The following ARMC8 variants were observed in gnomAD, a reference collection of about 807,000 sequenced individuals.
The protein encoded by ARMC8 is armadillo repeat-containing protein 8.
ARMC8 carries 20 observed loss-of-function variants against 99.3 expected under a neutral mutation model. That is an observed-to-expected ratio of 0.20 (90% CI 0.14 to 0.29). The LOEUF (loss-of-function observed/expected upper bound fraction) is 0.29. Among genes scored for constraint, ARMC8 ranks in the 10% least tolerant of loss-of-function variants. The probability of loss-of-function intolerance (pLI) is 1.00; values close to 1 mark genes in which losing one functional copy is unlikely to be tolerated. For missense variants in ARMC8, 569 were observed against 809.5 expected, an observed-to-expected ratio of 0.70 and a Z score of 3.60; for synonymous variants, 263 against 278.3, an observed-to-expected ratio of 0.95 and a Z score of 0.55.
chr3:138,279,768 T>C (rs1346641281), intron 18 of ARMC8, among the ~76,000 whole-genome samples: 1 of 152,250 alleles, frequency 6.6e-6, no homozygotes, highest in African/African-American at 2.4e-5. Flanking sequence ...TTTGGTATTA[T>C]GTGTCTTTCA....
chr3:138,280,947 T>C (rs1038480846), intron 18 of ARMC8, among the ~76,000 whole-genome samples: 1 of 152,122 alleles, frequency 6.6e-6, no homozygotes, highest in Non-Finnish European at 1.5e-5. Context: ...TTTCAGAGTT[T>C]AGCCAACTGT....
intron 6 of ARMC8, 160 bp downstream of exon 6, chr3:138,229,170 A>ATATATG (rs2045887252): frequency 2.1e-5 from 1 of 46,578 alleles, no homozygotes; most frequent in Non-Finnish European, 4.4e-5. Context: ...ATATATATAT[A>ATATATG]TATATATATA....
At chr3:138,262,499 C>G in intron 12 of ARMC8, 1 of 1,586,014 alleles carries the variant, frequency 6.3e-7, no homozygotes, top group Non-Finnish European at 8.5e-7. Context: ...AGGTTTTCCA[C>G]TCTCTCATGT....
intron 19 of ARMC8, among the ~76,000 whole-genome samples, chr3:138,285,245 A>G (rs968569115): frequency 2.6e-5 from 4 of 151,700 alleles, no homozygotes; most frequent in African/African-American, 9.7e-5. Flanking sequence ...TTTAGACCTC[A>G]CCTCTTCCCT....
intron 12 of ARMC8, among the ~76,000 whole-genome samples, chr3:138,251,418 C>G (rs1199357537): frequency 3.3e-5 from 5 of 152,120 alleles, no homozygotes; most frequent in Admixed American, 6.6e-5. Flanking sequence ...ACACCTTGTA[C>G]ATTTTGAAGG....
At chr3:138,292,632 G>T (rs2051075480) in intron 21 of ARMC8, among the ~76,000 whole-genome samples, 1 of 152,194 alleles carries the variant, frequency 6.6e-6, no homozygotes, top group African/African-American at 2.4e-5. Flanking sequence ...TACCAAGATG[G>T]TGAGGAATAT....
intron 1 of ARMC8, among the ~76,000 whole-genome samples, chr3:138,194,521 G>A (rs1190645229): frequency 6.7e-6 from 1 of 150,122 alleles, no homozygotes; most frequent in East Asian, 2.0e-4. Context: ...TGTATTTTTA[G>A]TAGAGAAGGG....
chr3:138,231,182 A>T (rs543527364), intron 6 of ARMC8, among the ~76,000 whole-genome samples: 1 of 152,338 alleles, frequency 6.6e-6, no homozygotes, highest in East Asian at 1.9e-4. Context: ...CAATATTAAC[A>T]ACTTTACCGA....
intron 12 of ARMC8, among the ~76,000 whole-genome samples, chr3:138,255,157 C>T (rs535319427): frequency 1.3e-5 from 2 of 151,720 alleles, no homozygotes; most frequent in Admixed American, 6.6e-5. Context: ...ACTATTTCCT[C>T]CCACCCCATG....
At chr3:138,225,887 C>G (rs533399017) in intron 5 of ARMC8, among the ~76,000 whole-genome samples, 7 of 152,314 alleles carry the variant, frequency 4.6e-5, no homozygotes, top group Non-Finnish European at 4.4e-5. Flanking sequence ...CTTCCTACAT[C>G]AGACACATAC....
chr3:138,217,752 C>T (rs2045150441), intron 2 of ARMC8, among the ~76,000 whole-genome samples: 1 of 146,454 alleles, frequency 6.8e-6, no homozygotes, highest in African/African-American at 2.4e-5. Flanking sequence ...AGTGGGATAT[C>T]CCCAAGGCTT....
intron 2 of ARMC8, among the ~76,000 whole-genome samples, chr3:138,215,780 T>G (rs768390278): frequency 6.6e-5 from 10 of 152,136 alleles, no homozygotes; most frequent in Non-Finnish European, 1.2e-4. Flanking sequence ...TATTCACTTG[T>G]CATTAAGGAA....
Position 138,296,257 on chromosome 3 carries a change from C to A in ARMC8, c.*365C>A, listed in dbSNP as rs1207770368. 1.1e-5 allele frequency: 2 copies of A among 179,460 alleles called. No homozygotes were observed. The highest frequency in any genetic ancestry group is 6.2e-5 in the Admixed American group (1 of 16,032). The allele number at this position is 179,460 out of a possible 1,614,324, so 11.1% of individuals were successfully genotyped here. A position where few individuals can be genotyped will look rare whatever the true frequency, so the allele number is the denominator to read the frequency against. ...AGGCATGCGTGTGTATGTGCACGTA[C>A]ATGGGCCAGAATGAATGGATGTGTG... is the stretch of plus-strand genomic sequence containing the variant. On this transcript the variant is annotated 3_prime_UTR_variant, in exon 22 of 22. Coordinates refer to ENST00000469044, the MANE Select transcript of ARMC8 (RefSeq NM_001363941.2).
At chr3:138,243,123 C>A (rs564891124) in intron 11 of ARMC8, among the ~76,000 whole-genome samples, 1 of 152,258 alleles carries the variant, frequency 6.6e-6, no homozygotes, top group East Asian at 1.9e-4. Flanking sequence ...AGTTGACCAC[C>A]CCAGGAAGGC....
chr3:138,237,577 AAGTC>A lies in ARMC8; in HGVS notation c.776+8_776+11del, dbSNP rs748016059. ...GCAGCTCACATCAGCAAAATGGTAA[AAGTC>A]AGGACAATGTGGGAAGAAAGACAGT... On this transcript the variant is annotated splice_donor_region_variant and intron_variant, in intron 9 of 21. Coordinates refer to ENST00000469044, the MANE Select transcript of ARMC8 (RefSeq NM_001363941.2). 11 of 1,609,522 alleles carry A rather than the reference AAGTC, an allele frequency of 6.8e-6. No individual in the cohort carries two copies. In the African/African-American group the frequency reaches 1.3e-4, roughly 20 times the overall value.
intron 1 of ARMC8, among the ~76,000 whole-genome samples, chr3:138,205,060 CTTTTTTTTTT>C (rs71146118): frequency 6.5e-4 from 61 of 93,222 alleles, no homozygotes; most frequent in Non-Finnish European, 1.0e-3. Context: ...CTTTTCTTTT[CTTTTTTTTTT>C]TTTTTTTTTT....
chr3:138,192,153 G>A (rs764669517), intron 1 of ARMC8, among the ~76,000 whole-genome samples: 37 of 151,880 alleles, frequency 2.4e-4, no homozygotes, highest in Non-Finnish European at 5.0e-4. Context: ...ACTGCCATTT[G>A]ATACTGTTAT....
At chr3:138,192,142 C>T (rs941206263) in intron 1 of ARMC8, among the ~76,000 whole-genome samples, 3 of 152,116 alleles carry the variant, frequency 2.0e-5, no homozygotes, top group Non-Finnish European at 4.4e-5. Flanking sequence ...TCTGTATCCT[C>T]ACTGCCATTT....
intron 6 of ARMC8, among the ~76,000 whole-genome samples, chr3:138,234,373 G>T (rs2046223189): frequency 6.6e-6 from 1 of 152,180 alleles, no homozygotes; most frequent in Admixed American, 6.5e-5. Flanking sequence ...GCCTCCCAGA[G>T]TGCTGGGATT....
Sources: gnomAD v4.1 joint callset for allele counts (sites outside exome capture counted in the v4.1 genomes callset) on GRCh38, gnomAD v4.1.1 for gene constraint, MANE v1.5 for transcripts, NCBI Gene and HGNC (gene_info 2026-07-23, HGNC 2026-07-21) for gene names.